Variants in KIZ observed in about 807,000 individuals in gnomAD.
KIZ encodes centrosomal protein kizuna.
A neutral mutation model predicts 79.6 loss-of-function variants in KIZ; 68 were observed. That is an observed-to-expected ratio of 0.85 (90% CI 0.70 to 1.05). The LOEUF is 1.05. Ranked by LOEUF, KIZ falls within the 50% of genes least tolerant of loss-of-function variation. KIZ has a pLI of 0.00. For missense variants in KIZ, 797 were observed against 800.4 expected, an observed-to-expected ratio of 1.00 and a Z score of 0.05; for synonymous variants, 280 against 281.8, an observed-to-expected ratio of 0.99 and a Z score of 0.06.
intron 4 of KIZ, among the ~76,000 whole-genome samples, chr20:21,148,484 A>G (rs2032959868): frequency 6.6e-6 from 1 of 152,178 alleles, no homozygotes; most frequent in Non-Finnish European, 1.5e-5. Context: ...TAATTTACTT[A>G]GTCAGCTTAC....
chr20:21,162,678 C>A (rs2033733497), intron 5 of KIZ, 171 bp downstream of exon 5: 1 of 783,812 alleles, frequency 1.3e-6, no homozygotes, highest in African/African-American at 1.7e-5. Context: ...GATTTTTAAA[C>A]CCACTGTGAT....
intron 1 of KIZ, among the ~76,000 whole-genome samples, chr20:21,127,325 C>T (rs1021938435): frequency 4.6e-5 from 7 of 152,192 alleles, no homozygotes; most frequent in African/African-American, 1.4e-4. Context: ...GTAGAGCCTT[C>T]CCTGTTTCAA....
At chr20:21,170,808 C>T (rs2034172946) in intron 6 of KIZ, among the ~76,000 whole-genome samples, 1 of 152,214 alleles carries the variant, frequency 6.6e-6, no homozygotes, top group African/African-American at 2.4e-5. Flanking sequence ...TATCTTTCTA[C>T]TCTCTGTCTC....
intron 12 of KIZ, 198 bp downstream of exon 12, chr20:21,244,486 C>G: frequency 1.7e-6 from 1 of 589,852 alleles, no homozygotes; most frequent in Non-Finnish European, 3.0e-6. Context: ...ACACGGGTGC[C>G]ATGGACCACA....
intron 6 of KIZ, among the ~76,000 whole-genome samples, chr20:21,192,376 C>T (rs2035147496): frequency 6.7e-6 from 1 of 149,790 alleles, no homozygotes; most frequent in Non-Finnish European, 1.5e-5. Context: ...ACTCCAACTC[C>T]TGGGCTCTAG....
chr20:21,160,557 T>A (rs2033607590), intron 4 of KIZ, among the ~76,000 whole-genome samples: 1 of 152,170 alleles, frequency 6.6e-6, no homozygotes, highest in Non-Finnish European at 1.5e-5. Flanking sequence ...AACCTGTAAG[T>A]GATAATGTCT....
chr20:21,167,559 CTT>C (rs11445129), intron 6 of KIZ, among the ~76,000 whole-genome samples: 4 of 111,794 alleles, frequency 3.6e-5, no homozygotes, highest in African/African-American at 1.3e-4. Flanking sequence ...GTTTGTTTCG[CTT>C]TTTTTTTTTT....
intron 4 of KIZ, among the ~76,000 whole-genome samples, chr20:21,153,546 G>A: frequency 6.6e-6 from 1 of 152,100 alleles, no homozygotes; most frequent in East Asian, 1.9e-4. Context: ...CATTTGTCAT[G>A]GTGGCAACAT....
chr20:21,173,335 T>C (rs2034296428), intron 6 of KIZ, among the ~76,000 whole-genome samples: 1 of 152,008 alleles, frequency 6.6e-6, no homozygotes. Context: ...CCCAACACTT[T>C]GGGAGGCCAA....
intron 11 of KIZ, among the ~76,000 whole-genome samples, chr20:21,234,144 A>T (rs934109426): frequency 6.6e-6 from 1 of 152,156 alleles, no homozygotes; most frequent in Non-Finnish European, 1.5e-5. Context: ...TCTTTGGGAA[A>T]TTTTTAAAGA....
intron 4 of KIZ, among the ~76,000 whole-genome samples, chr20:21,153,467 A>G (rs77331717): frequency 0.042 from 6,427 of 152,262 alleles, 418 homozygotes; most frequent in African/African-American, 0.14. Context: ...GATAGTTCCA[A>G]TAACTGTTGA....
chr20:21,126,329 C>T, intron 1 of KIZ, 125 bp downstream of exon 1: 1 of 579,230 alleles, frequency 1.7e-6, no homozygotes, highest in East Asian at 3.5e-5. Context: ...GCGCAACGCC[C>T]CCCAGGCTCC....
At chr20:21,162,694 T>A in intron 5 of KIZ, 156 bp from the exon 6 acceptor site, 1 of 812,420 alleles carries the variant, frequency 1.2e-6, no homozygotes, top group Non-Finnish European at 1.9e-6. Context: ...GTGATTTTTT[T>A]AAACATTTGA....
chr20:21,197,565 G>T (rs893247681), intron 6 of KIZ: 1 of 152,150 alleles, frequency 6.6e-6, no homozygotes, highest in Non-Finnish European at 1.5e-5. Flanking sequence ...AATGTGGAAC[G>T]AGATTGCCCA....
At chr20:21,145,786 G>T (rs1174393564) in intron 4 of KIZ, 132 bp downstream of exon 4, 2 of 441,060 alleles carry the variant, frequency 4.5e-6, no homozygotes, top group African/African-American at 4.1e-5. Flanking sequence ...ATTATTTAAA[G>T]ATTTTTGCTT....
intron 1 of KIZ, among the ~76,000 whole-genome samples, chr20:21,129,908 G>T (rs1479860137): frequency 6.6e-6 from 1 of 152,088 alleles, no homozygotes; most frequent in Non-Finnish European, 1.5e-5. Flanking sequence ...ATTTAAATCT[G>T]TCTATCTAAA....
intron 4 of KIZ, among the ~76,000 whole-genome samples, chr20:21,158,201 A>G (rs2033476575): frequency 6.6e-6 from 1 of 152,260 alleles, no homozygotes; most frequent in Non-Finnish European, 1.5e-5. Flanking sequence ...CAAAAGGAAT[A>G]GAAGACACAG....
chr20:21,156,703 AAG>A (rs1455988151), intron 4 of KIZ, among the ~76,000 whole-genome samples: 1 of 152,194 alleles, frequency 6.6e-6, no homozygotes, highest in Admixed American at 6.5e-5. Flanking sequence ...GTGCTCAAGA[AAG>A]AGCGTGTCTC....
intron 7 of KIZ, among the ~76,000 whole-genome samples, chr20:21,212,538 A>G (rs1433412738): frequency 6.6e-6 from 1 of 152,228 alleles, no homozygotes; most frequent in Admixed American, 6.5e-5. Context: ...CTTAACTATG[A>G]TGTTCAGTAG....
Sources: allele counts gnomAD v4.1 joint callset (sites outside exome capture counted in the v4.1 genomes callset), GRCh38; gene constraint gnomAD v4.1.1; transcripts MANE v1.5; gene names NCBI Gene and HGNC (gene_info 2026-07-23, HGNC 2026-07-21).